The following TAB2 variants were observed in gnomAD, a reference collection of about 807,000 sequenced individuals.
TAB2 encodes the protein TGF-beta activated kinase 1 (MAP3K7) binding protein 2.
Under a neutral mutation model 65.0 loss-of-function variants are expected in TAB2, and 3 were observed. The ratio of observed to expected loss-of-function variants is 0.05; its 90% confidence interval spans 0.02 to 0.12. TAB2 has a LOEUF of 0.12. TAB2 is among the 10% of genes least tolerant of loss of function. The pLI is 1.00. For missense variants in TAB2, 623 were observed against 840.3 expected (o/e 0.74, Z 3.20); for synonymous variants, 298 against 285.1 (o/e 1.05, Z -0.46).
At chr6:149,327,387 G>C (rs1439697949) in intron 1 of TAB2, among the ~76,000 whole-genome samples, 1 of 152,118 alleles carries the variant, frequency 6.6e-6, no homozygotes, top group Non-Finnish European at 1.5e-5. Flanking sequence ...GGCTGGTCTC[G>C]ATTTCTAGGC....
intron 1 of TAB2, among the ~76,000 whole-genome samples, chr6:149,312,391 T>A (rs1404172432): frequency 6.6e-6 from 1 of 152,088 alleles, no homozygotes; most frequent in Non-Finnish European, 1.5e-5. Flanking sequence ...TGAGATGGAG[T>A]CTCACTTGTC....
At chr6:149,306,568 A>C (rs1417414008) in intron 1 of TAB2, among the ~76,000 whole-genome samples, 2 of 150,920 alleles carry the variant, frequency 1.3e-5, no homozygotes, top group African/African-American at 2.4e-5. Flanking sequence ...AAAAAAAAAA[A>C]AAAAACAAAA....
intron 1 of TAB2, among the ~76,000 whole-genome samples, chr6:149,300,356 G>A (rs1778950166): frequency 6.6e-6 from 1 of 152,200 alleles, no homozygotes; most frequent in Non-Finnish European, 1.5e-5. Context: ...GAGGTTGACA[G>A]GGTCAGATAA....
chr6:149,260,680 CG>C (rs1562391863), intron 1 of TAB2, among the ~76,000 whole-genome samples: 1 of 152,086 alleles, frequency 6.6e-6, no homozygotes, highest in African/African-American at 2.4e-5. Flanking sequence ...ATCTATGGGA[CG>C]GGGGCTGGAG....
Position 149,264,806 on chromosome 6 carries a change from G to A in TAB2, c.-121+46030G>A, listed in dbSNP as rs567325780. ...ATTATGCAGCAAGGCAAGCCACAGCGGAAAACAGCAAAGATCAAAGGGAGC... is the reference window on the plus strand; with the variant it reads ...ATTATGCAGCAAGGCAAGCCACAGCAGAAAACAGCAAAGATCAAAGGGAGC... On this transcript the variant is annotated intron_variant, in intron 1 of 1. Transcript: ENST00000606202. 1.9e-4 allele frequency among the ~76,000 whole-genome samples: 29 copies of A among 152,348 alleles called. No individual in the cohort carries two copies. In the South Asian group the frequency reaches 2.7e-3, roughly 14 times the overall value.
At chr6:149,223,902 G>GAA (rs796313931) in intron 1 of TAB2, among the ~76,000 whole-genome samples, 1 of 143,598 alleles carries the variant, frequency 7.0e-6, no homozygotes. Context: ...TTTAGGAAAA[G>GAA]AAAAAAAAAA....
At chr6:149,399,287 T>G (rs1782284970) in intron 6 of TAB2, 103 bp downstream of exon 6, 1 of 830,448 alleles carries the variant, frequency 1.2e-6, no homozygotes, top group African/African-American at 1.7e-5. Context: ...GCTTCAAACT[T>G]TGGCATTCTT....
chr6:149,403,716 A>G (rs1782565094), intron 6 of TAB2, among the ~76,000 whole-genome samples: 1 of 152,090 alleles, frequency 6.6e-6, no homozygotes, highest in South Asian at 2.1e-4. Context: ...GGGAACTTTT[A>G]TTCATGGCAG....
chr6:149,266,352 T>C (rs910591190), intron 1 of TAB2, among the ~76,000 whole-genome samples: 8 of 152,204 alleles, frequency 5.3e-5, no homozygotes, highest in South Asian at 4.1e-4. Context: ...AGCATTCTGG[T>C]CCACTTGGCA....
intron 1 of TAB2, among the ~76,000 whole-genome samples, chr6:149,362,722 G>A (rs868537202): frequency 7.9e-5 from 12 of 152,236 alleles, no homozygotes; most frequent in Middle Eastern, 3.4e-3. Flanking sequence ...ACTGGGGAGG[G>A]GAAACTAGTC....
At position 149,400,825 on chromosome 6, in the gene TAB2, A is replaced by G. The variant is rs1782378029; in HGVS notation, c.1939+1641A>G. 5.5e-6 allele frequency: 5 copies of G among 912,920 alleles called. No homozygotes were observed. The Admixed American group carries it at 1.4e-4, about 26-fold the overall frequency. 56.6% of individuals were successfully genotyped at this position (912,920 alleles called of 1,614,324 possible). A position where few individuals can be genotyped will look rare whatever the true frequency, so the allele number is the denominator to read the frequency against. On this transcript the variant is annotated intron_variant, in intron 6 of 6. Transcript: ENST00000637181. ...CTATTCTTTTGTTTCCCCCTTCCAC[A>G]TTCTTTTATTATACATGAAGTAACT... is the stretch of plus-strand genomic sequence containing the variant.
At chr6:149,367,325 A>G (rs973266023) in intron 1 of TAB2, among the ~76,000 whole-genome samples, 1 of 152,176 alleles carries the variant, frequency 6.6e-6, no homozygotes, top group Non-Finnish European at 1.5e-5. Flanking sequence ...TCTTAATGAC[A>G]TAAGAGAAGG....
chr6:149,341,378 C>G (rs967243602), intron 1 of TAB2, among the ~76,000 whole-genome samples: 1 of 152,084 alleles, frequency 6.6e-6, no homozygotes, highest in Non-Finnish European at 1.5e-5. Flanking sequence ...CTAGTTGTTG[C>G]TTTAGCATTT....
At chr6:149,223,806 C>A (rs566145950) in intron 1 of TAB2, among the ~76,000 whole-genome samples, 2 of 152,168 alleles carry the variant, frequency 1.3e-5, no homozygotes, top group South Asian at 4.2e-4. Flanking sequence ...CTAGTTTAAA[C>A]CTTCAAAGCC....
At chr6:149,243,540 C>T (rs1358261923) in intron 1 of TAB2, 1 of 152,178 alleles carries the variant, frequency 6.6e-6, no homozygotes, top group African/African-American at 2.4e-5. Context: ...CCTCCATAAC[C>T]TAAAACACAG....
intron 1 of TAB2, among the ~76,000 whole-genome samples, chr6:149,305,487 T>A (rs1347880394): frequency 6.6e-6 from 1 of 152,044 alleles, no homozygotes; most frequent in East Asian, 1.9e-4. Flanking sequence ...TAAAAGCACC[T>A]CCTAATTACT....
At chr6:149,346,007 T>G (rs1780284224) in intron 1 of TAB2, among the ~76,000 whole-genome samples, 1 of 152,176 alleles carries the variant, frequency 6.6e-6, no homozygotes, top group South Asian at 2.1e-4. Context: ...CCATTGAGGT[T>G]GTTTTTAGAA....
At chr6:149,335,906 A>G (rs1016059637) in intron 1 of TAB2, among the ~76,000 whole-genome samples, 8 of 151,980 alleles carry the variant, frequency 5.3e-5, no homozygotes, top group Non-Finnish European at 1.2e-4. Context: ...GTAGATAAAT[A>G]TAGATATTCA....
chr6:149,349,419 C>CAAAA (rs369838005), intron 1 of TAB2, among the ~76,000 whole-genome samples: 1 of 81,914 alleles, frequency 1.2e-5, no homozygotes, highest in Admixed American at 1.3e-4. Context: ...CACTCCGTCT[C>CAAAA]AAAAAAAAAA....
Sources: allele counts gnomAD v4.1 joint callset (sites outside exome capture counted in the v4.1 genomes callset), GRCh38; gene constraint gnomAD v4.1.1; transcripts MANE v1.5; gene names NCBI Gene and HGNC (gene_info 2026-07-23, HGNC 2026-07-21).